The following FHOD3 variants were observed in gnomAD, a reference collection of about 807,000 sequenced individuals.
FHOD3 encodes the protein FH1/FH2 domain-containing protein 3.
A neutral mutation model predicts 173.0 loss-of-function variants in FHOD3; 90 were observed. That is an observed-to-expected ratio of 0.52 (90% CI 0.44 to 0.62). The LOEUF (loss-of-function observed/expected upper bound fraction) is 0.62. FHOD3 is among the 20% of genes least tolerant of loss of function. The probability of loss-of-function intolerance (pLI) is 0.00; values close to 1 mark genes in which losing one functional copy is unlikely to be tolerated. For synonymous variants in FHOD3, 828 were observed against 823.0 expected (o/e 1.01, Z -0.10); for missense variants, 1,945 against 2,034.7 (o/e 0.96, Z 0.85).
intron 3 of FHOD3, among the ~76,000 whole-genome samples, chr18:36,395,369 C>CT (rs2048508145): frequency 1.3e-5 from 2 of 151,650 alleles, no homozygotes; most frequent in African/African-American, 2.4e-5. Context: ...CCATTGTAAA[C>CT]TATACTCACT....
At chr18:36,667,609 A>G (rs1424853572) in intron 14 of FHOD3, among the ~76,000 whole-genome samples, 1 of 152,148 alleles carries the variant, frequency 6.6e-6, no homozygotes, top group African/African-American at 2.4e-5. Flanking sequence ...CTAAACATAG[A>G]AAAGGTATGG....
intron 14 of FHOD3, among the ~76,000 whole-genome samples, chr18:36,661,057 T>C (rs2036761885): frequency 1.3e-5 from 2 of 152,182 alleles, no homozygotes; most frequent in African/African-American, 4.8e-5. Flanking sequence ...TGTGCAGTTT[T>C]ATTAAGACCA....
intron 5 of FHOD3, among the ~76,000 whole-genome samples, chr18:36,526,956 C>G (rs549978577): frequency 6.6e-5 from 10 of 152,196 alleles, no homozygotes; most frequent in Non-Finnish European, 1.5e-4. Flanking sequence ...TGCTTGGAAC[C>G]AAGAATAGCT....
At chr18:36,659,371 G>A (rs540543219) in intron 14 of FHOD3, among the ~76,000 whole-genome samples, 82 of 152,256 alleles carry the variant, frequency 5.4e-4, no homozygotes, top group African/African-American at 1.9e-3. Context: ...TGATTACCCC[G>A]AAGACACCAT....
At chr18:36,423,746 T>TA (rs1275395342) in intron 3 of FHOD3, among the ~76,000 whole-genome samples, 5 of 152,326 alleles carry the variant, frequency 3.3e-5, no homozygotes, top group South Asian at 2.1e-4. Context: ...ATGCAACTGA[T>TA]ACGTGGGTTT....
chr18:36,653,909 C>T (rs908911500), intron 13 of FHOD3, among the ~76,000 whole-genome samples: 1 of 152,198 alleles, frequency 6.6e-6, no homozygotes, highest in Non-Finnish European at 1.5e-5. Flanking sequence ...GGTTCTATTA[C>T]AAGCATTTAC....
intron 6 of FHOD3, 99 bp from the exon 7 acceptor site, chr18:36,594,688 C>T (rs1228495918): frequency 1.4e-6 from 1 of 712,964 alleles, no homozygotes; most frequent in Non-Finnish European, 2.4e-6. Flanking sequence ...GAGAGCGTCT[C>T]ATCTAGGAAG....
At chr18:36,537,310 T>A (rs1002928269) in intron 5 of FHOD3, among the ~76,000 whole-genome samples, 1 of 152,242 alleles carries the variant, frequency 6.6e-6, no homozygotes, top group African/African-American at 2.4e-5. Flanking sequence ...TTTGTCACCA[T>A]CATGTCAGAC....
intron 5 of FHOD3, among the ~76,000 whole-genome samples, chr18:36,535,726 G>C (rs1034229849): frequency 6.6e-6 from 1 of 152,096 alleles, no homozygotes; most frequent in Non-Finnish European, 1.5e-5. Context: ...TTATGTGATT[G>C]TTGTAACAGT....
Position 36,687,111 on chromosome 18 carries a change from C to T in FHOD3, c.1971-17C>T, listed in dbSNP as rs764440293. ...TACTTTCTTTTCCTGTTTGTTTGTT[C>T]TACATATTTCCATTAGCCGAGATTA... On this transcript the variant is annotated splice_polypyrimidine_tract_variant and intron_variant, in intron 15 of 28. Coordinates refer to ENST00000590592, the MANE Select transcript of FHOD3 (RefSeq NM_001281740.3). 8 of 1,592,524 alleles carry T rather than the reference C, an allele frequency of 5.0e-6. No individual in the cohort carries two copies. In the South Asian group the frequency reaches 6.7e-5, roughly 13 times the overall value.
intron 14 of FHOD3, among the ~76,000 whole-genome samples, chr18:36,674,076 T>C (rs2037698757): frequency 6.6e-6 from 1 of 152,244 alleles, no homozygotes; most frequent in South Asian, 2.1e-4. Flanking sequence ...TCCACTGTGA[T>C]TTCAGAGTAT....
intron 3 of FHOD3, among the ~76,000 whole-genome samples, chr18:36,484,110 T>A (rs2054070497): frequency 6.6e-6 from 1 of 152,204 alleles, no homozygotes; most frequent in African/African-American, 2.4e-5. Flanking sequence ...ATCACATACA[T>A]CAACTATTGT....
chr18:36,609,022 A>T (rs933399388), intron 8 of FHOD3, among the ~76,000 whole-genome samples: 2 of 152,256 alleles, frequency 1.3e-5, no homozygotes, highest in South Asian at 4.1e-4. Flanking sequence ...GGTGCAATCA[A>T]TGAAAACCCA....
intron 19 of FHOD3, among the ~76,000 whole-genome samples, chr18:36,727,758 A>C (rs759299815): frequency 3.3e-4 from 50 of 152,166 alleles, no homozygotes; most frequent in Non-Finnish European, 1.9e-4. Flanking sequence ...TGCTTGCTAC[A>C]TGTGGACACT....
intron 19 of FHOD3, 56 bp from the exon 20 acceptor site, chr18:36,730,590 G>GCAGAAAGGA: frequency 6.4e-7 from 1 of 1,557,082 alleles, no homozygotes; most frequent in Non-Finnish European, 8.7e-7. Context: ...ATAATGAAAT[G>GCAGAAAGGA]CAGAAAGGAC....
intron 27 of FHOD3, among the ~76,000 whole-genome samples, chr18:36,765,130 G>T (rs2043084981): frequency 6.6e-6 from 1 of 152,232 alleles, no homozygotes; most frequent in African/African-American, 2.4e-5. Flanking sequence ...CGGGATGGGG[G>T]TTGGAGGGAG....
chr18:36,607,766 C>G (rs992079918), intron 8 of FHOD3, among the ~76,000 whole-genome samples: 1 of 152,110 alleles, frequency 6.6e-6, no homozygotes, highest in Non-Finnish European at 1.5e-5. Context: ...TATCCTAGTT[C>G]ATTGCTCTTA....
chr18:36,509,163 GA>G (rs142307152), intron 4 of FHOD3, among the ~76,000 whole-genome samples: 2 of 151,846 alleles, frequency 1.3e-5, no homozygotes, highest in Admixed American at 6.5e-5. Context: ...CAACAGAAAA[GA>G]AAAAAACTCT....
intron 10 of FHOD3, among the ~76,000 whole-genome samples, chr18:36,635,941 G>A (rs1481403706): frequency 2.0e-5 from 3 of 152,214 alleles, no homozygotes; most frequent in Non-Finnish European, 4.4e-5. Flanking sequence ...TTATCATCAA[G>A]TGTGACTGTT....
Sources: allele counts gnomAD v4.1 joint callset (sites outside exome capture counted in the v4.1 genomes callset), GRCh38; gene constraint gnomAD v4.1.1; transcripts MANE v1.5; gene names NCBI Gene and HGNC (gene_info 2026-07-23, HGNC 2026-07-21).